The following CNTN1 variants were observed in gnomAD, a reference collection of about 807,000 sequenced individuals.
The protein encoded by CNTN1 is contactin 1.
CNTN1 carries 38 observed loss-of-function variants against 126.4 expected under a neutral mutation model. The observed-to-expected ratio is 0.30, with a 90% CI of 0.23 to 0.39. CNTN1 has a LOEUF of 0.39. Among genes scored for constraint, CNTN1 ranks in the 10% least tolerant of loss-of-function variants. The pLI is 1.00. For missense variants in CNTN1, 1,009 were observed against 1,248.4 expected (o/e 0.81, Z 2.89); for synonymous variants, 413 against 422.6 (o/e 0.98, Z 0.28).
rs921062840 is a variant in CNTN1 at position 41,070,561 on chromosome 12, A to G, written c.*526A>G. 1 of 154,048 alleles carries G rather than the reference A, an allele frequency of 6.5e-6. No homozygotes were observed. The highest frequency in any genetic ancestry group is 2.4e-5 in the African/African-American group (1 of 41,432). The allele number at this position is 154,048 out of a possible 1,614,324, so 9.5% of individuals were successfully genotyped here. A position where few individuals can be genotyped will look rare whatever the true frequency, so the allele number is the denominator to read the frequency against. ...CATCTTGAGTTTTCTTGAAAAGACAATAGAGTGTAACAAATATTTTGTCAG... is the reference window on the plus strand; with the variant it reads ...CATCTTGAGTTTTCTTGAAAAGACAGTAGAGTGTAACAAATATTTTGTCAG... On this transcript the variant is annotated 3_prime_UTR_variant, in exon 24 of 24. Transcript: ENST00000551295.
chr12:40,816,547 C>T (rs889670814), intron 1 of CNTN1, among the ~76,000 whole-genome samples: 1 of 151,820 alleles, frequency 6.6e-6, no homozygotes, highest in African/African-American at 2.4e-5. Flanking sequence ...CTCTCTTCTT[C>T]TCTATTAATC....
intron 14 of CNTN1, among the ~76,000 whole-genome samples, chr12:40,945,484 A>C (rs530427885): frequency 1.3e-5 from 2 of 152,204 alleles, no homozygotes; most frequent in South Asian, 4.1e-4. Flanking sequence ...TTTCAAAAGT[A>C]AAGTCTAGAA....
chr12:40,814,504 G>T (rs1221305027), intron 1 of CNTN1, among the ~76,000 whole-genome samples: 1 of 152,158 alleles, frequency 6.6e-6, no homozygotes, highest in Non-Finnish European at 1.5e-5. Context: ...TCAGATGGTT[G>T]TAGATGTGTG....
intron 23 of CNTN1, among the ~76,000 whole-genome samples, chr12:41,038,884 A>C (rs1949331059): frequency 1.3e-5 from 2 of 151,932 alleles, no homozygotes; most frequent in Non-Finnish European, 2.9e-5. Flanking sequence ...TATTCTGATA[A>C]GGAAATGCTT....
At chr12:40,984,971 T>G (rs1017716298) in intron 16 of CNTN1, among the ~76,000 whole-genome samples, 1 of 152,060 alleles carries the variant, frequency 6.6e-6, no homozygotes, top group Non-Finnish European at 1.5e-5. Flanking sequence ...ATTACAAAAT[T>G]ACCTTTACCA....
At chr12:40,964,065 C>T (rs1947208572) in intron 15 of CNTN1, among the ~76,000 whole-genome samples, 1 of 152,102 alleles carries the variant, frequency 6.6e-6, no homozygotes, top group Non-Finnish European at 1.5e-5. Context: ...ACCACTTTCT[C>T]TGGTATTTCT....
chr12:41,009,610 G>T (rs192185261), intron 17 of CNTN1, among the ~76,000 whole-genome samples: 1 of 152,216 alleles, frequency 6.6e-6, no homozygotes, highest in Non-Finnish European at 1.5e-5. Flanking sequence ...TCCTGAAGTA[G>T]TCTTCATTCC....
intron 15 of CNTN1, chr12:40,971,543 CTT>C (rs544761896): frequency 8.4e-5 from 104 of 1,241,810 alleles, no homozygotes; most frequent in Admixed American, 2.9e-4. Flanking sequence ...CTGTGAAAGA[CTT>C]TTTTTTTTTT....
At chr12:41,064,315 A>G (rs1333033537) in intron 23 of CNTN1, among the ~76,000 whole-genome samples, 1 of 152,186 alleles carries the variant, frequency 6.6e-6, no homozygotes, top group Admixed American at 6.5e-5. Flanking sequence ...TCTGTTTCTT[A>G]AAACCAAAGA....
intron 1 of CNTN1, among the ~76,000 whole-genome samples, chr12:40,798,610 G>T (rs1326960023): frequency 6.6e-6 from 1 of 151,748 alleles, no homozygotes; most frequent in African/African-American, 2.4e-5. Flanking sequence ...GGAACTGGAG[G>T]CCGTTATCCT....
intron 1 of CNTN1, among the ~76,000 whole-genome samples, chr12:40,879,851 TG>T (rs1370708119): frequency 6.6e-6 from 1 of 152,104 alleles, no homozygotes; most frequent in Non-Finnish European, 1.5e-5. Flanking sequence ...TTTTCTCTGT[TG>T]GGCATTTAGA....
chr12:41,019,809 T>C (rs1566157377), intron 19 of CNTN1, among the ~76,000 whole-genome samples: 1 of 152,154 alleles, frequency 6.6e-6, no homozygotes, highest in Non-Finnish European at 1.5e-5. Context: ...GGAAGTTTTA[T>C]TAATAATATT....
intron 1 of CNTN1, among the ~76,000 whole-genome samples, chr12:40,814,709 G>A (rs1941201106): frequency 1.3e-5 from 2 of 152,080 alleles, no homozygotes; most frequent in Admixed American, 6.6e-5. Context: ...GAACTTTAAA[G>A]TAGTTTTTTT....
At chr12:40,856,419 TG>T (rs2136631258) in intron 1 of CNTN1, among the ~76,000 whole-genome samples, 1 of 152,224 alleles carries the variant, frequency 6.6e-6, no homozygotes, top group South Asian at 2.1e-4. Context: ...AATATTCCTC[TG>T]GAGAGTAGAA....
intron 23 of CNTN1, among the ~76,000 whole-genome samples, chr12:41,057,794 T>G (rs1044367848): frequency 1.8e-4 from 27 of 146,996 alleles, no homozygotes; most frequent in African/African-American, 6.3e-4. Flanking sequence ...TTGCTTTTCT[T>G]ATACATAAGC....
At chr12:41,062,269 A>T (rs1035476069) in intron 23 of CNTN1, among the ~76,000 whole-genome samples, 1 of 152,168 alleles carries the variant, frequency 6.6e-6, no homozygotes, top group Non-Finnish European at 1.5e-5. Context: ...CTAACTTTCT[A>T]AAAAGACACC....
At chr12:40,736,032 A>G (rs1363459546) in intron 1 of CNTN1, among the ~76,000 whole-genome samples, 3 of 152,072 alleles carry the variant, frequency 2.0e-5, no homozygotes, top group Non-Finnish European at 4.4e-5. Context: ...GCTGTCTCAG[A>G]AAGATGGGGC....
At chr12:40,964,525 A>AGTGT (rs369450437) in intron 15 of CNTN1, among the ~76,000 whole-genome samples, 3,224 of 104,772 alleles carry the variant, frequency 0.031, 52 homozygotes, top group East Asian at 0.073. Flanking sequence ...CGTGTAAGTG[A>AGTGT]GTGTGTGTGT....
intron 6 of CNTN1, among the ~76,000 whole-genome samples, chr12:40,926,180 G>GATAGAT (rs1245308465): frequency 6.8e-6 from 1 of 147,690 alleles, no homozygotes; most frequent in East Asian, 2.0e-4. Flanking sequence ...AGGATAGATA[G>GATAGAT]ATAGATAGAT....
Sources: gnomAD v4.1 joint callset for allele counts (sites outside exome capture counted in the v4.1 genomes callset) on GRCh38, gnomAD v4.1.1 for gene constraint, MANE v1.5 for transcripts, NCBI Gene and HGNC (gene_info 2026-07-23, HGNC 2026-07-21) for gene names.